The following RANBP3L variants were observed in gnomAD, a reference collection of about 807,000 sequenced individuals.
RANBP3L encodes RAN binding protein 3 like, also known as ran-binding protein 3-like.
RANBP3L carries 56 observed loss-of-function variants against 67.2 expected under a neutral mutation model. That is an observed-to-expected ratio of 0.83 (90% confidence interval 0.67 to 1.04). RANBP3L has a LOEUF of 1.04. Among genes scored for constraint, RANBP3L ranks in the 50% least tolerant of loss-of-function variants. The pLI is 0.00. For missense variants in RANBP3L, 496 were observed against 535.5 expected (o/e 0.93, Z 0.73); for synonymous variants, 164 against 181.4 (o/e 0.90, Z 0.77).
At chr5:36,267,573 C>T (rs1404587436) in intron 4 of RANBP3L, among the ~76,000 whole-genome samples, 2 of 151,788 alleles carry the variant, frequency 1.3e-5, no homozygotes. Context: ...GGGATCAATT[C>T]AAATGAAGTG....
intron 12 of RANBP3L, 120 bp from the exon 13 acceptor site, chr5:36,251,619 T>C: frequency 1.5e-6 from 1 of 662,708 alleles, no homozygotes; most frequent in Admixed American, 3.8e-5. Flanking sequence ...ACAGTGTACA[T>C]AGGTGCTAAC....
At chr5:36,257,194 T>C in intron 9 of RANBP3L, 123 bp from the exon 10 acceptor site, 5 of 806,094 alleles carry the variant, frequency 6.2e-6, no homozygotes, top group Non-Finnish European at 7.4e-6. Context: ...ATTCTAAAAA[T>C]TCAGACTGCT....
intron 12 of RANBP3L, among the ~76,000 whole-genome samples, chr5:36,253,392 A>G (rs1248422588): frequency 6.6e-6 from 1 of 152,114 alleles, no homozygotes; most frequent in East Asian, 1.9e-4. Context: ...TTTCAATAGT[A>G]AAGTAAAGGC....
Position 36,301,325 on chromosome 5 carries a change from C to T in RANBP3L, c.91+1G>A, listed in dbSNP as rs767651517. The T allele has an allele frequency of 6.2e-7, 1 of 1,610,626 alleles. No individual in the cohort carries two copies. The highest frequency in any genetic ancestry group is 8.5e-7 in the Non-Finnish European group (1 of 1,177,008). On this transcript the variant is annotated splice_donor_variant, in intron 1 of 13. Coordinates refer to ENST00000296604, the MANE Select transcript of RANBP3L (RefSeq NM_145000.5). LOFTEE classifies it high-confidence loss of function. Reference sequence around the variant, plus strand: ...GCAACTCATGAGCTGGACGGACTCACCTTGCTGTCGCCGGTCCTCCTGCAG... The same window carrying T: ...GCAACTCATGAGCTGGACGGACTCATCTTGCTGTCGCCGGTCCTCCTGCAG...
chr5:36,268,452 C>T (rs1184934748), intron 4 of RANBP3L, among the ~76,000 whole-genome samples: 1 of 152,166 alleles, frequency 6.6e-6, no homozygotes, highest in Non-Finnish European at 1.5e-5. Context: ...TTCCATTCAA[C>T]AGTAAATATT....
chr5:36,296,934 T>C (rs148410625), intron 1 of RANBP3L, among the ~76,000 whole-genome samples: 3 of 152,318 alleles, frequency 2.0e-5, no homozygotes, highest in South Asian at 2.1e-4. Context: ...CCTGTCAGTC[T>C]ACACTGCAGT....
At chr5:36,253,931 T>G in intron 11 of RANBP3L, 142 bp from the exon 12 acceptor site, 1 of 721,206 alleles carries the variant, frequency 1.4e-6, no homozygotes, top group Non-Finnish European at 2.1e-6. Context: ...GATTAAAACT[T>G]GATTTTCAAA....
At chr5:36,284,071 C>T (rs553881001) in intron 1 of RANBP3L, among the ~76,000 whole-genome samples, 2 of 152,218 alleles carry the variant, frequency 1.3e-5, no homozygotes, top group African/African-American at 2.4e-5. Context: ...ACAACCTCCA[C>T]CTCCCGGATT....
At chr5:36,252,791 A>G (rs1257270516) in intron 12 of RANBP3L, among the ~76,000 whole-genome samples, 1 of 152,078 alleles carries the variant, frequency 6.6e-6, no homozygotes, top group East Asian at 1.9e-4. Flanking sequence ...CGGGGTTTGT[A>G]CATCATCTTA....
intron 1 of RANBP3L, among the ~76,000 whole-genome samples, chr5:36,287,529 G>A (rs1427417278): frequency 6.6e-6 from 1 of 152,148 alleles, no homozygotes; most frequent in East Asian, 1.9e-4. Context: ...CATTTTAGGT[G>A]TTTATTAAAC....
At chr5:36,279,336 G>A (rs191113445) in intron 1 of RANBP3L, among the ~76,000 whole-genome samples, 2 of 152,118 alleles carry the variant, frequency 1.3e-5, no homozygotes, top group Non-Finnish European at 2.9e-5. Context: ...CCATATGTGG[G>A]GGAACTCTAA....
Position 36,279,339 on chromosome 5 carries a change from A to T in RANBP3L, c.92-8028T>A, listed in dbSNP as rs180789398. ...ACTTATTTCTAGCCATATGTGGGGG[A>T]ACTCTAAAAAACTTTTTTTAATGAA... is the stretch of plus-strand genomic sequence containing the variant. On this transcript the variant is annotated intron_variant, in intron 1 of 13. Transcript: ENST00000296604. 2.0e-5 allele frequency among the ~76,000 whole-genome samples: 3 copies of T among 152,138 alleles called. No individual in the cohort carries two copies. The East Asian group carries it at 5.8e-4, about 29-fold the overall frequency.
chr5:36,251,533 A>T lies in RANBP3L; in HGVS notation c.1168-34T>A, dbSNP rs200363306. 208 of 1,504,140 alleles carry T rather than the reference A, an allele frequency of 1.4e-4. 2 individuals are homozygous for T. The African/African-American group carries it at 2.7e-3, about 20-fold the overall frequency. 93.2% of individuals were successfully genotyped at this position (1,504,140 alleles called of 1,614,324 possible). A position where few individuals can be genotyped will look rare whatever the true frequency, so the allele number is the denominator to read the frequency against. ...GGAACATTAAATTGTTAAGAAAATC[A>T]TTAATATGTTAGCTACATTTTACAG... is the stretch of plus-strand genomic sequence containing the variant. On this transcript the variant is annotated intron_variant, in intron 12 of 13. Transcript: ENST00000296604.
chr5:36,254,462 G>A (rs957711973), intron 11 of RANBP3L, among the ~76,000 whole-genome samples: 1 of 151,966 alleles, frequency 6.6e-6, no homozygotes, highest in African/African-American at 2.4e-5. Context: ...TAAAAAGAAA[G>A]TTTCTTTTGG....
intron 1 of RANBP3L, among the ~76,000 whole-genome samples, chr5:36,288,540 A>G (rs369316666): frequency 2.6e-4 from 39 of 152,256 alleles, no homozygotes; most frequent in South Asian, 1.4e-3. Flanking sequence ...GGGTTTAATT[A>G]TATAAGAAAC....
chr5:36,273,175 T>C (rs1199124338), intron 1 of RANBP3L, among the ~76,000 whole-genome samples: 1 of 152,214 alleles, frequency 6.6e-6, no homozygotes, highest in Non-Finnish European at 1.5e-5. Context: ...CAGTGGAATA[T>C]TTATCAGTTA....
intron 1 of RANBP3L, among the ~76,000 whole-genome samples, chr5:36,282,642 C>A (rs765118129): frequency 1.3e-5 from 2 of 152,188 alleles, no homozygotes; most frequent in Non-Finnish European, 2.9e-5. Flanking sequence ...AGAAAAAGCT[C>A]CTTGTTTCTC....
chr5:36,262,580 T>C (rs1749474773), intron 6 of RANBP3L, among the ~76,000 whole-genome samples: 1 of 152,110 alleles, frequency 6.6e-6, no homozygotes, highest in African/African-American at 2.4e-5. Flanking sequence ...TATATAAATG[T>C]AAGAGTGAGG....
chr5:36,297,585 G>A (rs1294677318), intron 1 of RANBP3L, among the ~76,000 whole-genome samples: 1 of 152,166 alleles, frequency 6.6e-6, no homozygotes, highest in Non-Finnish European at 1.5e-5. Context: ...CATAAGGAAG[G>A]TTGTCTGCCT....
Sources: gnomAD v4.1 joint callset for allele counts (sites outside exome capture counted in the v4.1 genomes callset) on GRCh38, gnomAD v4.1.1 for gene constraint, MANE v1.5 for transcripts, NCBI Gene and HGNC (gene_info 2026-07-23, HGNC 2026-07-21) for gene names.